KLHL2: variants seen among roughly 807,000 people sequenced by gnomAD.
KLHL2 encodes kelch-like protein 2.
Under a neutral mutation model 75.8 loss-of-function variants are expected in KLHL2, and 15 were observed. That is an observed-to-expected ratio of 0.20 (90% confidence interval 0.13 to 0.30). The LOEUF is 0.30. Ranked by LOEUF, KLHL2 falls within the 10% of genes least tolerant of loss-of-function variation. KLHL2 has a pLI of 1.00. For synonymous variants in KLHL2, 214 were observed against 251.9 expected (o/e 0.85, Z 1.42); for missense variants, 381 against 741.0 (o/e 0.51, Z 5.64).
chr4:165,215,393 G>A (rs1737473279), intron 1 of KLHL2, among the ~76,000 whole-genome samples: 2 of 152,212 alleles, frequency 1.3e-5, no homozygotes, highest in South Asian at 4.1e-4. Context: ...AGCAATGCTA[G>A]TAAGATGCCT....
chr4:165,235,958 A>C (rs985225224), intron 3 of KLHL2, among the ~76,000 whole-genome samples: 3 of 152,072 alleles, frequency 2.0e-5, no homozygotes. Context: ...GGGGCTGGAC[A>C]TGTGTGCTTG....
In KLHL2 at chr4:165,235,373, G is replaced by GT. The variant is rs928344746; in HGVS notation, c.260-3404dup. The stretch of plus-strand genomic sequence containing the variant: ...GTACCAGCATGCCTGGCTAATTTTT[G>GT]TATTTTTAGTAGAGATAGGGTTTCG... On this transcript the variant is annotated intron_variant, in intron 3 of 14. Coordinates refer to ENST00000226725, the MANE Select transcript of KLHL2 (RefSeq NM_007246.4). Among the ~76,000 whole-genome samples the GT allele has an allele frequency of 1.4e-4, 21 of 152,170 alleles. No homozygotes were observed. The East Asian group carries it at 2.3e-3, about 17-fold the overall frequency.
chr4:165,218,886 A>T (rs1513058), intron 1 of KLHL2, among the ~76,000 whole-genome samples: 1 of 130,360 alleles, frequency 7.7e-6, no homozygotes, highest in African/African-American at 2.9e-5. Context: ...TTTTAAGCCT[A>T]GTTAAAAAAT....
chr4:165,240,560 A>T (rs1472148269), intron 4 of KLHL2: 2 of 150,950 alleles, frequency 1.3e-5, no homozygotes, highest in Non-Finnish European at 2.9e-5. Flanking sequence ...TTTAACATGG[A>T]AGAAAGTGTT....
At chr4:165,263,148 C>T (rs1741835173) in intron 4 of KLHL2, 49 bp from the exon 5 acceptor site, 1 of 1,596,588 alleles carries the variant, frequency 6.3e-7, no homozygotes, top group South Asian at 1.1e-5. Context: ...GTCAAAGAGG[C>T]AGTGTTTTTC....
At chr4:165,292,141 C>G (rs1744562804) in intron 5 of KLHL2, among the ~76,000 whole-genome samples, 1 of 152,114 alleles carries the variant, frequency 6.6e-6, no homozygotes, top group South Asian at 2.1e-4. Context: ...AGATGTAGAA[C>G]TTGTGGATAT....
chr4:165,292,897 T>G (rs1195929450), intron 5 of KLHL2, among the ~76,000 whole-genome samples: 1 of 152,232 alleles, frequency 6.6e-6, no homozygotes, highest in Non-Finnish European at 1.5e-5. Context: ...GAATTTATAA[T>G]ATTAACAAGA....
At chr4:165,263,801 CATTGTTTTT>C (rs1478659757) in intron 5 of KLHL2, among the ~76,000 whole-genome samples, 6 of 90,096 alleles carry the variant, frequency 6.7e-5, no homozygotes, top group African/African-American at 2.3e-4. Context: ...TGATTTTTTA[CATTGTTTTT>C]TTTTTTTTTT....
Position 165,310,510 on chromosome 4 carries a change from T to C in KLHL2, c.1040-43T>C, listed in dbSNP as rs1344413451. The C allele has an allele frequency of 2.6e-6, 4 of 1,510,472 alleles. No homozygotes were observed. The African/African-American group carries it at 4.1e-5, about 16-fold the overall frequency. The allele number at this position is 1,510,472 out of a possible 1,614,324, so 93.6% of individuals were successfully genotyped here. On this transcript the variant is annotated intron_variant, in intron 9 of 14. Coordinates refer to ENST00000226725, the MANE Select transcript of KLHL2 (RefSeq NM_007246.4). ...AGCAATCTTTGGATATTGGTGGTAG[T>C]TGAGTTGCATGTTGATCATTAAATG...
chr4:165,251,431 C>T (rs979740982), intron 4 of KLHL2, among the ~76,000 whole-genome samples: 3 of 152,004 alleles, frequency 2.0e-5, no homozygotes, highest in Admixed American at 2.0e-4. Flanking sequence ...CTAGAACATC[C>T]ATTCTCCATT....
At chr4:165,249,689 A>G (rs1056785261) in intron 4 of KLHL2, among the ~76,000 whole-genome samples, 1 of 152,198 alleles carries the variant, frequency 6.6e-6, no homozygotes, top group Non-Finnish European at 1.5e-5. Context: ...GCACTTGAGG[A>G]TGTGCCAAAC....
At chr4:165,228,467 T>A (rs1198790400) in intron 2 of KLHL2, among the ~76,000 whole-genome samples, 4 of 152,112 alleles carry the variant, frequency 2.6e-5, no homozygotes, top group Non-Finnish European at 5.9e-5. Context: ...ACCTGCCACT[T>A]CTGCCACTAC....
intron 3 of KLHL2, among the ~76,000 whole-genome samples, chr4:165,235,940 A>G (rs1739312343): frequency 6.6e-6 from 1 of 152,066 alleles, no homozygotes; most frequent in Non-Finnish European, 1.5e-5. Context: ...AGGCTAGGTA[A>G]TGAATCAGGG....
At chr4:165,252,418 C>G (rs1261820257) in intron 4 of KLHL2, among the ~76,000 whole-genome samples, 1 of 151,912 alleles carries the variant, frequency 6.6e-6, no homozygotes, top group Admixed American at 6.6e-5. Context: ...GTTTTATAAA[C>G]CCTAGCATTA....
chr4:165,256,909 A>G (rs1298506997), intron 4 of KLHL2, among the ~76,000 whole-genome samples: 1 of 152,204 alleles, frequency 6.6e-6, no homozygotes, highest in Non-Finnish European at 1.5e-5. Flanking sequence ...CTAGCTTTTT[A>G]TACTAAATGT....
At chr4:165,220,986 C>G (rs1737943516) in intron 2 of KLHL2, among the ~76,000 whole-genome samples, 1 of 152,134 alleles carries the variant, frequency 6.6e-6, no homozygotes, top group African/African-American at 2.4e-5. Flanking sequence ...TGAAAGTACT[C>G]TACGTATATC....
chr4:165,302,773 C>T (rs1745438371), intron 8 of KLHL2, among the ~76,000 whole-genome samples: 1 of 152,104 alleles, frequency 6.6e-6, no homozygotes, highest in Non-Finnish European at 1.5e-5. Flanking sequence ...AGTTAATTTT[C>T]AACTAATATT....
At chr4:165,248,026 TA>T (rs927974227) in intron 4 of KLHL2, among the ~76,000 whole-genome samples, 4 of 152,176 alleles carry the variant, frequency 2.6e-5, no homozygotes, top group Non-Finnish European at 5.9e-5. Flanking sequence ...AGTGGCTTAA[TA>T]AAAAAATCAT....
chr4:165,222,604 C>A (rs1738087601), intron 2 of KLHL2, among the ~76,000 whole-genome samples: 1 of 152,174 alleles, frequency 6.6e-6, no homozygotes, highest in Non-Finnish European at 1.5e-5. Flanking sequence ...TAAAAATGGA[C>A]TGTCGTTGGA....
Sources: allele counts gnomAD v4.1 joint callset (sites outside exome capture counted in the v4.1 genomes callset), GRCh38; gene constraint gnomAD v4.1.1; transcripts MANE v1.5; gene names NCBI Gene and HGNC (gene_info 2026-07-23, HGNC 2026-07-21).